Variants in COL2A1 observed in about 807,000 individuals in gnomAD.
The protein encoded by COL2A1 is collagen alpha-1(II) chain.
In COL2A1, 28 loss-of-function variants were observed where a neutral mutation model predicts 204.5. The observed-to-expected ratio is 0.14, with a 90% confidence interval of 0.10 to 0.19. COL2A1 has a LOEUF of 0.19. COL2A1 is among the 10% of genes least tolerant of loss of function. The pLI, the probability that COL2A1 is intolerant of heterozygous loss-of-function variation, is 1.00. For missense variants in COL2A1, 1,388 were observed against 2,027.5 expected (o/e 0.68, Z 6.06); for synonymous variants, 708 against 718.7 (o/e 0.99, Z 0.24).
intron 44 of COL2A1, 71 bp downstream of exon 44, chr12:47,977,939 C>T: frequency 7.0e-7 from 1 of 1,421,398 alleles, no homozygotes; most frequent in Non-Finnish European, 9.8e-7. Flanking sequence ...CTTGTCCTTG[C>T]TGACCCAGCA....
In COL2A1 at chr12:47,983,340, C is replaced by T. The variant is rs115198328; in HGVS notation, c.2049+45G>A. The T allele has an allele frequency of 8.4e-5, 134 of 1,604,338 alleles. No homozygotes were observed. The African/African-American group carries it at 1.6e-3, about 20-fold the overall frequency. On this transcript the variant is annotated intron_variant, in intron 31 of 53. Coordinates refer to ENST00000380518, the MANE Select transcript of COL2A1 (RefSeq NM_001844.5). ...TTGCCTCCTAGGCATCAGAAAAGAC[C>T]TTCCCATCTAAACAGGTTGCAGGTC...
chr12:47,999,274 C>T (rs774110136), intron 2 of COL2A1, among the ~76,000 whole-genome samples: 2 of 152,210 alleles, frequency 1.3e-5, no homozygotes, highest in Non-Finnish European at 2.9e-5. Context: ...AGTTTATAAC[C>T]ACCCACTACA....
chr12:47,998,061 C>T lies in COL2A1; in HGVS notation c.346G>A (p.Val116Ile). Residue 116 changes from valine to isoleucine, a missense_variant, in exon 5 of 54, where the codon GTA (valine) becomes ATA (isoleucine). By Grantham distance (29) the Val-to-Ile change is conservative (BLOSUM62 3). Coordinates refer to ENST00000380518, the MANE Select transcript of COL2A1 (RefSeq NM_001844.5). The part of the protein sequence containing the change: ...KGEPGDIKDI[V>I]GPKGPPGPQG... ...GGCCCAGGAGGTCCTTTGGGTCCTA[C>T]AATCTGTGAGAGAGAGCCCCACAGG... 6.2e-7 allele frequency: 1 copy of T among 1,614,188 alleles called. No individual in the cohort carries two copies. The highest frequency in any genetic ancestry group is 8.5e-7 in the Non-Finnish European group (1 of 1,180,036).
intron 8 of COL2A1, among the ~76,000 whole-genome samples, chr12:47,996,128 C>T (rs1212519538): frequency 1.1e-4 from 16 of 152,206 alleles, no homozygotes; most frequent in Admixed American, 1.0e-3. Context: ...AAAAGCTGGC[C>T]TTGCTTTCTC....
At chr12:47,997,029 A>G (rs1035331120) in intron 7 of COL2A1, among the ~76,000 whole-genome samples, 1 of 152,264 alleles carries the variant, frequency 6.6e-6, no homozygotes, top group African/African-American at 2.4e-5. Context: ...GGAATATTTC[A>G]GCAAGAGATG....
chr12:47,987,377 A>T lies in COL2A1; in HGVS notation c.1222-64T>A. 6.4e-7 allele frequency: 1 copy of T among 1,559,176 alleles called. No individual in the cohort carries two copies. The highest frequency in any genetic ancestry group is 8.8e-7 in the Non-Finnish European group (1 of 1,132,642). Reference sequence around the variant, plus strand: ...GAACCCCAACCACCTCCAGCCCTCCAGGATCCAGATCCAGGGACCTGGCAT... The same window carrying T: ...GAACCCCAACCACCTCCAGCCCTCCTGGATCCAGATCCAGGGACCTGGCAT... On this transcript the variant is annotated intron_variant, in intron 19 of 53. Coordinates refer to ENST00000380518, the MANE Select transcript of COL2A1 (RefSeq NM_001844.5). The surrounding 1 kb of genome is among the most constrained non-coding windows in gnomAD (Gnocchi z 4.1).
rs974613170 is a variant in COL2A1 at position 47,997,065 on chromosome 12, A to C, written c.532-440T>G. On this transcript the variant is annotated intron_variant, in intron 7 of 53. Coordinates refer to ENST00000380518, the MANE Select transcript of COL2A1 (RefSeq NM_001844.5). ...TAGTAGGCATCTGTGATCCCATTTG[A>C]GTTTAAGAATTTAAAATACAGCAAA... Among the ~76,000 whole-genome samples, 3 of 152,178 alleles carry C rather than the reference A, an allele frequency of 2.0e-5. 1 individual carries two copies. The highest frequency in any genetic ancestry group is 4.1e-4 in the South Asian group (2 of 4,828).
At chr12:47,984,739 G>C in intron 27 of COL2A1, 140 bp from the exon 28 acceptor site, 1 of 865,380 alleles carries the variant, frequency 1.2e-6, no homozygotes, top group South Asian at 1.4e-5. Context: ...CTTCTCTTCT[G>C]TTCAGGGGCC....
intron 29 of COL2A1, 67 bp from the exon 30 acceptor site, chr12:47,983,803 G>A (rs1357724178): frequency 2.6e-6 from 4 of 1,522,424 alleles, no homozygotes; most frequent in Non-Finnish European, 2.7e-6. Flanking sequence ...CAGCTAGTAG[G>A]GCCCAGGGGA....
At chr12:48,000,157 A>C (rs1366220799) in intron 1 of COL2A1, 32 bp from the exon 2 acceptor site, 1 of 1,516,032 alleles carries the variant, frequency 6.6e-7, no homozygotes. Flanking sequence ...AGAAGCAGAG[A>C]GCCAAGGGAA....
chr12:47,995,588 C>T lies in COL2A1; in HGVS notation c.708+122G>A, dbSNP rs527445220. 212 of 1,065,130 alleles carry T rather than the reference C, an allele frequency of 2.0e-4. 1 individual carries two copies. The South Asian group carries it at 2.1e-3, about 11-fold the overall frequency. 66.0% of individuals were successfully genotyped at this position (1,065,130 alleles called of 1,614,324 possible). ...CAGCTAGGAAGTGACATCCGAATTT[C>T]CTTGGGGCCACCGACTGTGGGAAAG... On this transcript the variant is annotated intron_variant, in intron 10 of 53. Transcript: ENST00000380518.
At chr12:48,002,236 CA>C (rs1341420466) in intron 1 of COL2A1, among the ~76,000 whole-genome samples, 2 of 152,168 alleles carry the variant, frequency 1.3e-5, no homozygotes, top group Non-Finnish European at 2.9e-5. Flanking sequence ...TCCCCTGAGC[CA>C]GGGGCACTTT....
chr12:47,997,773 G>T, intron 6 of COL2A1, 66 bp from the exon 7 acceptor site: 1 of 1,612,162 alleles, frequency 6.2e-7, no homozygotes, highest in African/African-American at 1.3e-5. Flanking sequence ...CTGTCCCTTG[G>T]CTGCTCTTTA....
intron 26 of COL2A1, 61 bp downstream of exon 26, chr12:47,985,473 T>C: frequency 6.4e-7 from 1 of 1,552,372 alleles, no homozygotes; most frequent in Non-Finnish European, 8.9e-7. Context: ...ATCTCTCTTT[T>C]CCCTTGCTTC....
In COL2A1 at chr12:47,987,971, A is replaced by G. The variant is rs1939518493; in HGVS notation, c.1123-262T>C. 6.6e-6 allele frequency among the ~76,000 whole-genome samples: 1 copy of G among 152,070 alleles called. No homozygotes were observed. The highest frequency in any genetic ancestry group is 2.1e-4 in the South Asian group (1 of 4,820). ...TCTACACAGTGAGCCTCCACATGCCACGGCACAGCTACATACTACAGCAAT... is the reference window on the plus strand; with the variant it reads ...TCTACACAGTGAGCCTCCACATGCCGCGGCACAGCTACATACTACAGCAAT... On this transcript the variant is annotated intron_variant, in intron 18 of 53. Transcript: ENST00000380518. This position sits in a 1 kb window ranked among gnomAD's most constrained non-coding sequence, Gnocchi z 4.1.
intron 16 of COL2A1, among the ~76,000 whole-genome samples, chr12:47,991,849 C>T (rs1939723795): frequency 6.6e-6 from 1 of 152,134 alleles, no homozygotes; most frequent in African/African-American, 2.4e-5. Flanking sequence ...GCTCTCTAAT[C>T]CCCTCACACA....
chr12:47,979,365 C>A, intron 41 of COL2A1, 146 bp downstream of exon 41: 3 of 860,254 alleles, frequency 3.5e-6, no homozygotes, highest in South Asian at 2.8e-5. Context: ...GGGGATAGGT[C>A]CCCATGATCA....
chr12:47,993,076 G>T, intron 15 of COL2A1, 145 bp from the exon 16 acceptor site: 1 of 782,022 alleles, frequency 1.3e-6, no homozygotes, highest in Non-Finnish European at 2.2e-6. Context: ...GATGGTGCTG[G>T]CTCCTTGACT....
At chr12:47,993,669 A>G in intron 14 of COL2A1, 140 bp downstream of exon 14, 10 of 1,138,482 alleles carry the variant, frequency 8.8e-6, no homozygotes, top group Non-Finnish European at 1.3e-5. Context: ...TTGGCCCATC[A>G]GGATGTAGGG....
Sources: allele counts gnomAD v4.1 joint callset (sites outside exome capture counted in the v4.1 genomes callset), GRCh38; gene constraint gnomAD v4.1.1; non-coding constraint Gnocchi (gnomAD v3.1); transcripts MANE v1.5; gene names NCBI Gene and HGNC (gene_info 2026-07-23, HGNC 2026-07-21).